CLEC2A: variants seen among roughly 807,000 people sequenced by gnomAD.
CLEC2A encodes the protein keratinocyte-associated C-type lectin.
In CLEC2A, 19 loss-of-function variants were observed where a neutral mutation model predicts 18.6. The ratio of observed to expected loss-of-function variants is 1.02; its 90% CI spans 0.71 to 1.50. CLEC2A has a LOEUF of 1.50. Among genes scored for constraint, CLEC2A ranks in the 40% most tolerant of loss-of-function variants. The pLI is 0.00. For missense variants in CLEC2A, 190 were observed against 207.9 expected (o/e 0.91, Z 0.53); for synonymous variants, 74 against 64.0 (o/e 1.16, Z -0.75).
chr12:9,929,892 T>G (rs2137059324), intron 1 of CLEC2A, among the ~76,000 whole-genome samples: 1 of 152,276 alleles, frequency 6.6e-6, no homozygotes, highest in South Asian at 2.1e-4. Flanking sequence ...TCTATAATTC[T>G]ATAATTATTT....
At chr12:9,907,252 A>T (rs1026363304) in intron 4 of CLEC2A, among the ~76,000 whole-genome samples, 8 of 152,208 alleles carry the variant, frequency 5.3e-5, no homozygotes, top group African/African-American at 1.9e-4. Context: ...TAGGGAGGGT[A>T]AAGCTAGAAC....
At chr12:9,893,546 G>T in the CLEC2A span, 1 of 1,236,352 alleles carries the variant, frequency 8.1e-7, no homozygotes, top group Admixed American at 2.1e-5. Context: ...AGAATTGTGA[G>T]TAGTTATTTG....
At chr12:9,906,503 T>C (rs998450917) in intron 4 of CLEC2A, among the ~76,000 whole-genome samples, 1 of 152,196 alleles carries the variant, frequency 6.6e-6, no homozygotes, top group African/African-American at 2.4e-5. Flanking sequence ...ATCTTGGCCT[T>C]TGCGGTTAAT....
Position 9,916,728 on chromosome 12 carries a change from A to G in CLEC2A, c.382T>C (p.Trp128Arg), listed in dbSNP as rs1565531800. The G allele has an allele frequency of 6.4e-7, 1 of 1,550,496 alleles. No individual in the cohort carries two copies. Among genetic ancestry groups the G allele is most frequent in the South Asian group, 1.2e-5 (1 of 84,026 alleles). ...CCATTGAATGTGGTGCCATTTGTCC[A>G]TTTCCAAGAATCTCCTTGTTTCCTG... ...LSRKQGDSWK[W>R]TNGTTFNGWF... Residue 128 changes from tryptophan to arginine, a missense_variant, in exon 4 of 5, where the codon TGG (tryptophan) becomes CGG (arginine). By Grantham distance (101) the Trp-to-Arg change is moderately radical (BLOSUM62 -3). Coordinates refer to ENST00000455827, the MANE Select transcript of CLEC2A (RefSeq NM_001130711.2).
At chr12:9,886,040 T>C in the CLEC2A span, among the ~76,000 whole-genome samples, 1 of 152,070 alleles carries the variant, frequency 6.6e-6, no homozygotes. Context: ...AGTTTTCTCT[T>C]CAAATAAAAT....
the CLEC2A span, among the ~76,000 whole-genome samples, chr12:9,885,708 C>T: frequency 6.6e-6 from 1 of 151,946 alleles, no homozygotes; most frequent in East Asian, 1.9e-4. Flanking sequence ...TCAGACTTTT[C>T]TCAGACCAAA....
the CLEC2A span, among the ~76,000 whole-genome samples, chr12:9,881,858 G>C: frequency 2.0e-5 from 3 of 152,094 alleles, no homozygotes; most frequent in Admixed American, 6.5e-5. Context: ...AGAGCCATGA[G>C]GTAAGAGAAA....
chr12:9,893,443 C>G, the CLEC2A span: 45 of 1,458,988 alleles, frequency 3.1e-5, no homozygotes, highest in African/African-American at 4.3e-4. Flanking sequence ...TCATACAGAA[C>G]AGTTTAAAAC....
the CLEC2A span, among the ~76,000 whole-genome samples, chr12:9,881,899 T>C: frequency 6.6e-6 from 1 of 152,168 alleles, no homozygotes; most frequent in Non-Finnish European, 1.5e-5. Context: ...ATCCTGTGTG[T>C]TGTAGCATAA....
chr12:9,913,850 AT>A (rs916582855), intron 4 of CLEC2A, among the ~76,000 whole-genome samples, 170 bp from the exon 5 acceptor site: 45 of 152,348 alleles, frequency 3.0e-4, no homozygotes, highest in African/African-American at 1.1e-3. Flanking sequence ...TAAGGGAAAA[AT>A]AAGACTGAAC....
At chr12:9,903,215 C>G (rs1238598514) in intron 4 of CLEC2A, among the ~76,000 whole-genome samples, 1 of 151,270 alleles carries the variant, frequency 6.6e-6, no homozygotes, top group Non-Finnish European at 1.5e-5. Flanking sequence ...TCAAATTTTT[C>G]TAACATAATT....
chr12:9,924,720 TG>T (rs1416672251), intron 2 of CLEC2A, among the ~76,000 whole-genome samples: 2 of 152,178 alleles, frequency 1.3e-5, no homozygotes, highest in African/African-American at 4.8e-5. Context: ...GTTATTTCTT[TG>T]TTTTTTTTCA....
chr12:9,929,298 A>G (rs187984673), intron 1 of CLEC2A, among the ~76,000 whole-genome samples: 6 of 152,234 alleles, frequency 3.9e-5, no homozygotes, highest in Non-Finnish European at 8.8e-5. Context: ...ATTGTACTAC[A>G]CTATTGCTAA....
intron 4 of CLEC2A, among the ~76,000 whole-genome samples, chr12:9,915,093 GA>G (rs914913804): frequency 7.3e-5 from 11 of 149,846 alleles, no homozygotes; most frequent in East Asian, 3.9e-4. Context: ...ACAAACATTT[GA>G]AAAAAAAAGC....
chr12:9,897,224 T>C (rs553638696), downstream of CLEC2A, among the ~76,000 whole-genome samples: 1 of 152,034 alleles, frequency 6.6e-6, no homozygotes, highest in Non-Finnish European at 1.5e-5. Flanking sequence ...GTAGAAGAGA[T>C]CTCTAGAACT....
At chr12:9,918,931 T>C (rs1414950027) in intron 3 of CLEC2A, among the ~76,000 whole-genome samples, 1 of 152,200 alleles carries the variant, frequency 6.6e-6, no homozygotes, top group Non-Finnish European at 1.5e-5. Flanking sequence ...AGGTGACTTC[T>C]TTAATTTTAG....
At chr12:9,906,687 CT>C (rs1156391714) in intron 4 of CLEC2A, among the ~76,000 whole-genome samples, 1 of 152,204 alleles carries the variant, frequency 6.6e-6, no homozygotes, top group Non-Finnish European at 1.5e-5. Context: ...GACCCGATTT[CT>C]ACTAAAGCTT....
intron 4 of CLEC2A, among the ~76,000 whole-genome samples, chr12:9,900,317 C>G (rs955506642): frequency 6.6e-6 from 1 of 152,078 alleles, no homozygotes; most frequent in Non-Finnish European, 1.5e-5. Flanking sequence ...CAGGATTAGT[C>G]TAAGATGTAA....
Position 9,926,285 on chromosome 12 carries a change from A to G in CLEC2A, c.114T>C (p.Ile38=). 6.5e-7 allele frequency: 1 copy of G among 1,548,002 alleles called. No homozygotes were observed. The highest frequency in any genetic ancestry group is 8.7e-7 in the Non-Finnish European group (1 of 1,143,810). The change falls in exon 2 of 5, where the codon ATT becomes ATC. Residue 38 remains isoleucine (I), a synonymous_variant. Coordinates refer to ENST00000455827, the MANE Select transcript of CLEC2A (RefSeq NM_001130711.2). ...IGLMCFLSII[I]TTVCIIMIAT... ...CTATCATAATAATGCAAACTGTAGT[A>G]ATAATAATACTCAGGAAGCACATAA...
Sources: gnomAD v4.1 joint callset for allele counts (sites outside exome capture counted in the v4.1 genomes callset) on GRCh38, gnomAD v4.1.1 for gene constraint, MANE v1.5 for transcripts, NCBI Gene and HGNC (gene_info 2026-07-23, HGNC 2026-07-21) for gene names.